The following KIF1B variants were observed in gnomAD, a reference collection of about 807,000 sequenced individuals.
KIF1B encodes kinesin-like protein KIF1B.
Under a neutral mutation model 241.9 loss-of-function variants are expected in KIF1B, and 76 were observed. The ratio of observed to expected loss-of-function variants is 0.31; its 90% CI spans 0.26 to 0.38. KIF1B has a LOEUF of 0.38. KIF1B is among the 10% of genes least tolerant of loss of function. The pLI is 1.00. For synonymous variants in KIF1B, 750 were observed against 796.7 expected, an observed-to-expected ratio of 0.94 and a Z score of 0.99; for missense variants, 1,622 against 2,271.4, an observed-to-expected ratio of 0.71 and a Z score of 5.81.
intron 32 of KIF1B, among the ~76,000 whole-genome samples, 159 bp downstream of exon 32, chr1:10,340,018 C>A (rs1557724295): frequency 6.6e-6 from 1 of 152,130 alleles, no homozygotes; most frequent in Non-Finnish European, 1.5e-5. Flanking sequence ...TCCACAGCGG[C>A]CTGAGCAGCA....
At chr1:10,233,376 G>A (rs991524619) in intron 2 of KIF1B, among the ~76,000 whole-genome samples, 3 of 152,094 alleles carry the variant, frequency 2.0e-5, no homozygotes, top group African/African-American at 7.2e-5. Flanking sequence ...AGCACTTTGG[G>A]AGGCTAGGGC....
chr1:10,351,073 C>CAA (rs35072176), intron 37 of KIF1B, among the ~76,000 whole-genome samples: 16,125 of 104,360 alleles, frequency 0.15, 1,251 homozygotes, highest in African/African-American at 0.19. Context: ...AAGACCCTGT[C>CAA]AAAAAAAAAA....
chr1:10,343,397 C>A, intron 34 of KIF1B, 110 bp downstream of exon 34: 1 of 979,548 alleles, frequency 1.0e-6, no homozygotes, highest in Non-Finnish European at 1.6e-6. Context: ...TTCTATATAT[C>A]CACATGTATT....
At position 10,295,759 on chromosome 1, in the gene KIF1B, C is replaced by G. The variant is rs139764209; in HGVS notation, c.1770C>G (p.Ser590Arg). Residue 590 changes from serine to arginine, a missense_variant, in exon 19 of 49, where the codon AGC becomes AGG. This residue lies in a region of KIF1B where 44 missense variants were observed against 28.6 expected (regional missense o/e 1.54). Transcript: ENST00000676179. The stretch of plus-strand genomic sequence containing the variant: ...TCTTCCGGAGTGAGAGAAGCAACAG[C>G]GGGGAAGGTGAGCATTCCTGGCTGG... Reference protein sequence around the residue: ...HCIFRSERSNSGEVIVTLEPC... With the variant: ...HCIFRSERSNRGEVIVTLEPC... 7.4e-6 allele frequency: 12 copies of G among 1,612,650 alleles called. No homozygotes were observed. The Admixed American group carries it at 2.0e-4, about 27-fold the overall frequency.
chr1:10,372,636 C>T (rs1638766476), intron 45 of KIF1B, among the ~76,000 whole-genome samples: 1 of 127,114 alleles, frequency 7.9e-6, no homozygotes. Context: ...CGAGATTGCG[C>T]CGCTGCGCGC....
intron 2 of KIF1B, among the ~76,000 whole-genome samples, chr1:10,246,723 G>C (rs770913020): frequency 6.6e-6 from 1 of 152,058 alleles, no homozygotes; most frequent in Non-Finnish European, 1.5e-5. Flanking sequence ...TAGCCTGCTG[G>C]GCGACAGAGT....
At chr1:10,276,429 A>G in intron 12 of KIF1B, 30 bp downstream of exon 12, 1 of 1,517,276 alleles carries the variant, frequency 6.6e-7, no homozygotes, top group Non-Finnish European at 9.1e-7. Context: ...GTAACAACAT[A>G]GACCACATTG....
At chr1:10,359,559 A>G (rs1379164681) in intron 38 of KIF1B, among the ~76,000 whole-genome samples, 1 of 152,250 alleles carries the variant, frequency 6.6e-6, no homozygotes, top group East Asian at 1.9e-4. Flanking sequence ...AACAATAACA[A>G]CAAAATAGTT....
intron 19 of KIF1B, 83 bp from the exon 20 acceptor site, chr1:10,296,499 C>A: frequency 8.7e-7 from 1 of 1,154,946 alleles, no homozygotes. Context: ...CTACTTACTG[C>A]AAATCCTGAT....
rs913384318 is a variant in KIF1B at position 10,336,664 on chromosome 1, A to G, written c.3051A>G (p.Glu1017=). 4 of 1,613,800 alleles carry G rather than the reference A, an allele frequency of 2.5e-6. No homozygotes were observed. The highest frequency in any genetic ancestry group is 2.7e-5 in the African/African-American group (2 of 74,904). Residue 1017 remains glutamate, a synonymous_variant, in exon 29 of 49, where the codon GAA becomes GAG. Transcript: ENST00000676179. The part of the protein sequence containing the change: ...RVAVQAIAAD[E]EAPDYGSGIR... ...TTTTTTTTTCTGCTTTAGCGGATGA[A>G]GAAGCTCCTGATTATGGCTCTGGAA...
At chr1:10,308,748 T>C (rs1340234178) in intron 22 of KIF1B, among the ~76,000 whole-genome samples, 1 of 152,236 alleles carries the variant, frequency 6.6e-6, no homozygotes, top group Non-Finnish European at 1.5e-5. Flanking sequence ...ACTTGATTAG[T>C]TTTAAAGCTT....
chr1:10,241,006 T>C (rs541382646), intron 2 of KIF1B, among the ~76,000 whole-genome samples: 9 of 152,218 alleles, frequency 5.9e-5, no homozygotes, highest in Non-Finnish European at 1.0e-4. Flanking sequence ...AGTGGAAATA[T>C]TGCTGATGCC....
intron 7 of KIF1B, among the ~76,000 whole-genome samples, chr1:10,270,891 A>G (rs1648754429): frequency 6.6e-6 from 1 of 151,022 alleles, no homozygotes; most frequent in African/African-American, 2.4e-5. Flanking sequence ...GCACCATTGC[A>G]TTCCAGCCTG....
In KIF1B at chr1:10,378,613, A is replaced by G. The variant is rs1218756804; in HGVS notation, c.*2026A>G. On this transcript the variant is annotated 3_prime_UTR_variant, in exon 49 of 49. Transcript: ENST00000676179. ...TGACTCTCAGGCGTTAGGCAGCTGG[A>G]TGACTTCCCGCTTCACGCAGCAAAG... 2 of 589,642 alleles carry G rather than the reference A, an allele frequency of 3.4e-6. No individual in the cohort carries two copies. The highest frequency in any genetic ancestry group is 1.9e-5 in the African/African-American group (1 of 53,762). 36.5% of individuals were successfully genotyped at this position (589,642 alleles called of 1,614,324 possible). A position where few individuals can be genotyped will look rare whatever the true frequency, so the allele number is the denominator to read the frequency against.
At chr1:10,236,312 ATATAG>A (rs1647051871) in intron 2 of KIF1B, among the ~76,000 whole-genome samples, 1 of 134,604 alleles carries the variant, frequency 7.4e-6, no homozygotes, top group African/African-American at 2.6e-5. Context: ...ACAAAAACCC[ATATAG>A]TATATTTGGG....
intron 15 of KIF1B, among the ~76,000 whole-genome samples, chr1:10,290,644 C>T (rs978484898): frequency 1.3e-5 from 2 of 151,564 alleles, no homozygotes; most frequent in Non-Finnish European, 2.9e-5. Flanking sequence ...ACCATGCCCA[C>T]GTGGATCACG....
chr1:10,212,280 T>A (rs559990064), intron 1 of KIF1B, among the ~76,000 whole-genome samples: 1 of 152,342 alleles, frequency 6.6e-6, no homozygotes, highest in African/African-American at 2.4e-5. Flanking sequence ...GTTCTTGTGT[T>A]CCTCTAAGAA....
chr1:10,317,574 A>G (rs968641260), intron 22 of KIF1B, among the ~76,000 whole-genome samples: 2 of 151,296 alleles, frequency 1.3e-5, no homozygotes, highest in African/African-American at 2.5e-5. Context: ...GCTCACATCT[A>G]TAATCCCAGC....
chr1:10,308,228 C>T lies in KIF1B; in HGVS notation c.2115+10982C>T, dbSNP rs150717278. ...TCCTGGTGAACCTTAATGAAGGGGC[C>T]GTCTTAGGCACAGTGCAAAACAAGC... On this transcript the variant is annotated intron_variant, in intron 22 of 48. Transcript: ENST00000676179. 242 of 1,060,806 alleles carry T rather than the reference C, an allele frequency of 2.3e-4. 2 individuals are homozygous for T. The highest frequency in any genetic ancestry group is 2.1e-3 in the Middle Eastern group (5 of 2,382). 65.7% of individuals were successfully genotyped at this position (1,060,806 alleles called of 1,614,324 possible). A position where few individuals can be genotyped will look rare whatever the true frequency, so the allele number is the denominator to read the frequency against.
Sources: gnomAD v4.1 joint callset for allele counts (sites outside exome capture counted in the v4.1 genomes callset) on GRCh38, gnomAD v4.1.1 for gene constraint, gnomAD v4.1.1 regional missense constraint, MANE v1.5 for transcripts, NCBI Gene and HGNC (gene_info 2026-07-23, HGNC 2026-07-21) for gene names.